EDAR: variants seen among roughly 807,000 people sequenced by gnomAD.
The protein encoded by EDAR is ectodysplasin A receptor.
EDAR carries 38 observed loss-of-function variants against 51.3 expected under a neutral mutation model. The observed-to-expected ratio is 0.74, with a 90% CI of 0.57 to 0.97. The LOEUF is 0.97. EDAR is among the 50% of genes least tolerant of loss of function. The probability of loss-of-function intolerance (pLI) is 0.00; values close to 1 mark genes in which losing one functional copy is unlikely to be tolerated. For missense variants in EDAR, 528 were observed against 595.0 expected, an observed-to-expected ratio of 0.89 and a Z score of 1.17; for synonymous variants, 227 against 242.1, an observed-to-expected ratio of 0.94 and a Z score of 0.58.
In EDAR at chr2:108,930,101, AG is replaced by A. The variant is rs1284733191; in HGVS notation, c.174+18del. The A allele has an allele frequency of 6.2e-7, 1 of 1,609,976 alleles. No individual in the cohort carries two copies. The highest frequency in any genetic ancestry group is 1.3e-5 in the African/African-American group (1 of 74,862). On this transcript the variant is annotated intron_variant, in intron 3 of 11. Coordinates refer to ENST00000258443, the MANE Select transcript of EDAR (RefSeq NM_022336.4). Reference sequence around the variant, plus strand: ...CTCCCCTGAGAGCGCACCAGGCTCCAGGAGGGCTGGGTCCTTACCAGGTAGG... The same window carrying A: ...CTCCCCTGAGAGCGCACCAGGCTCCAGAGGGCTGGGTCCTTACCAGGTAGG...
intron 5 of EDAR, 140 bp downstream of exon 5, chr2:108,923,228 C>A: frequency 1.2e-6 from 1 of 831,042 alleles, no homozygotes; most frequent in South Asian, 1.4e-5. Context: ...CCTGGACAGG[C>A]CACAGGAGCA....
intron 1 of EDAR, among the ~76,000 whole-genome samples, chr2:108,946,894 A>T (rs1574398038): frequency 1.3e-5 from 2 of 151,584 alleles, no homozygotes; most frequent in African/African-American, 4.9e-5. Context: ...CCCAAATCTC[A>T]TCTTTTTTTT....
At chr2:108,929,114 C>T (rs1697315292) in intron 4 of EDAR, 84 bp downstream of exon 4, 1 of 1,512,988 alleles carries the variant, frequency 6.6e-7, no homozygotes, top group Non-Finnish European at 9.1e-7. Context: ...ATCCATGACC[C>T]CTGTTCCCAA....
At chr2:108,927,613 T>C (rs532611223) in intron 4 of EDAR, among the ~76,000 whole-genome samples, 32 of 152,180 alleles carry the variant, frequency 2.1e-4, no homozygotes, top group Non-Finnish European at 2.9e-4. Context: ...ACCCACCCTC[T>C]CCCTGCAGTA....
chr2:108,926,305 C>A (rs72836562), intron 4 of EDAR, among the ~76,000 whole-genome samples: 2 of 152,154 alleles, frequency 1.3e-5, no homozygotes, highest in Non-Finnish European at 2.9e-5. Flanking sequence ...CCCTAGCCCC[C>A]CAACCCCTGT....
intron 1 of EDAR, among the ~76,000 whole-genome samples, chr2:108,970,145 T>A (rs1558839314): frequency 6.6e-6 from 1 of 152,148 alleles, no homozygotes. Flanking sequence ...AGCTTTGCAC[T>A]GAGAGGGGAG....
Position 108,930,127 on chromosome 2 carries a change from G to A in EDAR, c.167C>T (p.Pro56Leu). 6.2e-7 allele frequency: 1 copy of A among 1,613,646 alleles called. No individual in the cohort carries two copies. Among genetic ancestry groups the A allele is most frequent in the Non-Finnish European group, 8.5e-7 (1 of 1,179,890 alleles). ...GGAGGGCTGGGTCCTTACCAGGTAG[G>A]GCTCCTCTCCCGGCCCACACGGGGG... ...ECPPCGPGEE[P>L]YLSCGYGTKD... The change falls in exon 3 of 12, where the codon CCC (proline) becomes CTC (leucine). Residue 56 changes from proline to leucine, a missense_variant. Pro to Leu is a moderately conservative substitution (Grantham distance 98, BLOSUM62 -3). Coordinates refer to ENST00000258443, the MANE Select transcript of EDAR (RefSeq NM_022336.4).
chr2:108,928,636 G>C (rs1697303539), intron 4 of EDAR, among the ~76,000 whole-genome samples: 1 of 152,198 alleles, frequency 6.6e-6, no homozygotes, highest in African/African-American at 2.4e-5. Context: ...TCTGGGGATT[G>C]AGAGTCTGTA....
chr2:108,978,173 G>C (rs1391110089), intron 1 of EDAR, among the ~76,000 whole-genome samples: 2 of 152,246 alleles, frequency 1.3e-5, no homozygotes, highest in Non-Finnish European at 2.9e-5. Flanking sequence ...AGGGCCTGCT[G>C]AGCTACGGCC....
At chr2:108,977,137 G>A (rs1048333622) in intron 1 of EDAR, among the ~76,000 whole-genome samples, 1 of 152,288 alleles carries the variant, frequency 6.6e-6, no homozygotes, top group African/African-American at 2.4e-5. Flanking sequence ...ACTGGCCCGG[G>A]CCTGGGTTTT....
chr2:108,976,475 C>T, intron 1 of EDAR, among the ~76,000 whole-genome samples: 1 of 152,182 alleles, frequency 6.6e-6, no homozygotes, highest in East Asian at 1.9e-4. Context: ...TCTGAAGTGA[C>T]TCCTTCCGGT....
intron 1 of EDAR, among the ~76,000 whole-genome samples, chr2:108,959,873 C>T (rs1698005381): frequency 1.3e-5 from 2 of 152,206 alleles, no homozygotes; most frequent in South Asian, 4.1e-4. Context: ...CACATACATA[C>T]AAGCACACAC....
At chr2:108,926,738 T>C (rs2105439387) in intron 4 of EDAR, among the ~76,000 whole-genome samples, 1 of 152,282 alleles carries the variant, frequency 6.6e-6, no homozygotes, top group East Asian at 1.9e-4. Context: ...GGCCACACTG[T>C]GGGGAGGGCG....
intron 1 of EDAR, among the ~76,000 whole-genome samples, chr2:108,962,392 G>A (rs1046256160): frequency 2.0e-5 from 3 of 152,106 alleles, no homozygotes; most frequent in African/African-American, 4.8e-5. Context: ...GAACACAATC[G>A]GCCAGACGCG....
rs61761319 is a variant in EDAR, at chr2:108,930,072, A to G, written c.174+48T>C. ...TCAGGGCAACAATGCCACAAGCAGG[A>G]GGCCTCCCCTGAGAGCGCACCAGGC... On this transcript the variant is annotated intron_variant, in intron 3 of 11. Coordinates refer to ENST00000258443, the MANE Select transcript of EDAR (RefSeq NM_022336.4). 12,286 of 1,583,664 alleles carry G rather than the reference A, an allele frequency of 7.8e-3. 68 individuals carry two copies. The highest frequency in any genetic ancestry group is 9.7e-3 in the Non-Finnish European group (11,304 of 1,161,490).
chr2:108,976,177 C>T (rs1403334479), intron 1 of EDAR, among the ~76,000 whole-genome samples: 1 of 152,204 alleles, frequency 6.6e-6, no homozygotes, highest in Non-Finnish European at 1.5e-5. Context: ...TTAATCATCA[C>T]ACATCCTTAG....
At chr2:108,982,670 T>C (rs546815284) in intron 1 of EDAR, among the ~76,000 whole-genome samples, 1 of 152,344 alleles carries the variant, frequency 6.6e-6, no homozygotes, top group South Asian at 2.1e-4. Context: ...ATAATTTTCA[T>C]CTGGAAACCT....
intron 1 of EDAR, among the ~76,000 whole-genome samples, chr2:108,953,734 C>T (rs907729392): frequency 3.3e-5 from 5 of 151,892 alleles, no homozygotes; most frequent in Non-Finnish European, 7.4e-5. Flanking sequence ...AGGCTGGTGG[C>T]GATGGAAACA....
chr2:108,980,791 C>T (rs1353251943), intron 1 of EDAR, among the ~76,000 whole-genome samples: 1 of 152,142 alleles, frequency 6.6e-6, no homozygotes, highest in Non-Finnish European at 1.5e-5. Flanking sequence ...AGAGTGGGGT[C>T]ACGGTGTCAC....
Sources: gnomAD v4.1 joint callset for allele counts (sites outside exome capture counted in the v4.1 genomes callset) on GRCh38, gnomAD v4.1.1 for gene constraint, MANE v1.5 for transcripts, NCBI Gene and HGNC (gene_info 2026-07-23, HGNC 2026-07-21) for gene names.